The following SCAPER variants were observed in gnomAD, a reference collection of about 807,000 sequenced individuals.
The protein encoded by SCAPER is S-phase cyclin A associated protein in the ER, also known as S phase cyclin A-associated protein in the endoplasmic reticulum.
Under a neutral mutation model 182.2 loss-of-function variants are expected in SCAPER, and 98 were observed. The ratio of observed to expected loss-of-function variants is 0.54; its 90% CI spans 0.46 to 0.64. SCAPER has a LOEUF of 0.64. SCAPER is among the 30% of genes least tolerant of loss of function. The pLI is 0.00. For synonymous variants in SCAPER, 605 were observed against 564.6 expected, an observed-to-expected ratio of 1.07 and a Z score of -1.01; for missense variants, 1,432 against 1,690.0, an observed-to-expected ratio of 0.85 and a Z score of 2.68.
intron 27 of SCAPER, among the ~76,000 whole-genome samples, chr15:76,400,433 C>T (rs562009587): frequency 5.3e-5 from 8 of 152,188 alleles, no homozygotes; most frequent in Non-Finnish European, 8.8e-5. Context: ...CAACAAAATG[C>T]TTGTCACTGT....
At chr15:76,671,207 C>G (rs535626546) in intron 20 of SCAPER, among the ~76,000 whole-genome samples, 49 of 152,186 alleles carry the variant, frequency 3.2e-4, no homozygotes, top group Admixed American at 2.9e-3. Context: ...TGGGCATGCA[C>G]CTGCGGTCCC....
At chr15:76,521,568 G>A (rs940357735) in intron 23 of SCAPER, among the ~76,000 whole-genome samples, 1 of 152,080 alleles carries the variant, frequency 6.6e-6, no homozygotes, top group Non-Finnish European at 1.5e-5. Context: ...TTGTGTCCCT[G>A]ATGTTACAAT....
At chr15:76,720,661 G>T (rs1199182120) in intron 17 of SCAPER, among the ~76,000 whole-genome samples, 2 of 152,164 alleles carry the variant, frequency 1.3e-5, no homozygotes, top group African/African-American at 2.4e-5. Context: ...GTTTTGATTT[G>T]CATTTCTCTG....
Position 76,883,864 on chromosome 15 carries a change from T to TATTGTA in SCAPER, c.-48_-47insTACAAT. 7.1e-7 allele frequency: 1 copy of TATTGTA among 1,413,470 alleles called. No homozygotes were observed. The highest frequency in any genetic ancestry group is 9.7e-7 in the Non-Finnish European group (1 of 1,034,332). 87.6% of individuals were successfully genotyped at this position (1,413,470 alleles called of 1,614,324 possible). On this transcript the variant is annotated 5_prime_UTR_variant, in exon 2 of 32. Transcript: ENST00000563290. ...CAAGATCATTTATCACATAAACCCA[T>TATTGTA]GGAGTATGACTCCTACAATAAAAAA...
intron 21 of SCAPER, among the ~76,000 whole-genome samples, chr15:76,631,268 T>A (rs904829932): frequency 2.6e-5 from 4 of 152,212 alleles, no homozygotes; most frequent in African/African-American, 9.6e-5. Flanking sequence ...GTCTTTTAAT[T>A]TGGGCATTCA....
intron 24 of SCAPER, among the ~76,000 whole-genome samples, chr15:76,474,331 A>C (rs1164283131): frequency 6.6e-6 from 1 of 152,142 alleles, no homozygotes. Context: ...GTCCTTATGG[A>C]GCTGATGCTC....
intron 2 of SCAPER, among the ~76,000 whole-genome samples, chr15:76,878,090 T>C (rs2073295116): frequency 6.6e-6 from 1 of 152,204 alleles, no homozygotes; most frequent in African/African-American, 2.4e-5. Flanking sequence ...GATGTATGTA[T>C]ATTTACAGAC....
chr15:76,714,557 T>C (rs1319869071), intron 17 of SCAPER, among the ~76,000 whole-genome samples: 2 of 151,690 alleles, frequency 1.3e-5, no homozygotes, highest in South Asian at 2.1e-4. Context: ...GTAGTAGTAG[T>C]AGTAGTAGCA....
At position 76,500,673 on chromosome 15, in the gene SCAPER, C is replaced by T. The variant is rs138304729; in HGVS notation, c.2954+4186G>A. 2.0e-4 allele frequency among the ~76,000 whole-genome samples: 30 copies of T among 152,228 alleles called. No individual in the cohort carries two copies. In the East Asian group the frequency reaches 3.5e-3, roughly 18 times the overall value. ...TTATGCTCAAAGAAAGTGAAAACTC[C>T]TATTTATTTTCAAATATTAAAAAGC... On this transcript the variant is annotated intron_variant, in intron 24 of 31. Coordinates refer to ENST00000563290, the MANE Select transcript of SCAPER (RefSeq NM_020843.4).
chr15:76,889,637 C>T lies in SCAPER; in HGVS notation c.-59-5761G>A, dbSNP rs113798008. The stretch of plus-strand genomic sequence containing the variant: ...AAAGAACAACTATCCTAAATATATA[C>T]GCACCCAATACATGGACACCCAGAT... On this transcript the variant is annotated intron_variant, in intron 1 of 31. Coordinates refer to ENST00000563290, the MANE Select transcript of SCAPER (RefSeq NM_020843.4). Among the ~76,000 whole-genome samples, 1,236 of 152,184 alleles carry T rather than the reference C, an allele frequency of 8.1e-3. 12 individuals carry two copies. The highest frequency in any genetic ancestry group is 0.028 in the African/African-American group (1,143 of 41,522).
In SCAPER at chr15:76,855,491, C is replaced by T. The variant is rs759898257; in HGVS notation, c.195+2318G>A. Reference sequence around the variant, plus strand: ...AAAAAAAAAAAAAGTAAACAACTTACAGAATGGGAGAAAATTTTTGCAAAC... The same window carrying T: ...AAAAAAAAAAAAAGTAAACAACTTATAGAATGGGAGAAAATTTTTGCAAAC... On this transcript the variant is annotated intron_variant, in intron 4 of 31. Coordinates refer to ENST00000563290, the MANE Select transcript of SCAPER (RefSeq NM_020843.4). Among the ~76,000 whole-genome samples the T allele has an allele frequency of 3.0e-3, 410 of 136,720 alleles. 1 individual carries two copies. Among genetic ancestry groups the T allele is most frequent in the South Asian group, 8.4e-3 (35 of 4,154 alleles). The allele number at this position is 136,720 out of a possible 152,430, so 89.7% of individuals were successfully genotyped here.
In SCAPER at chr15:76,598,358, G is replaced by A. The variant is rs1418670228; in HGVS notation, c.2711+23406C>T. ...CACTTTTTACACTGTTGGTGACAGT[G>A]TAAATTAGTTCAACCATTGTGGAAG... On this transcript the variant is annotated intron_variant, in intron 22 of 31. Transcript: ENST00000563290. Among the ~76,000 whole-genome samples the A allele has an allele frequency of 1.6e-5, 2 of 121,646 alleles. 1 individual carries two copies. Among genetic ancestry groups the A allele is most frequent in the Non-Finnish European group, 4.0e-5 (2 of 50,044 alleles). The allele number at this position is 121,646 out of a possible 152,430, so 79.8% of individuals were successfully genotyped here.
intron 22 of SCAPER, among the ~76,000 whole-genome samples, chr15:76,593,178 C>T (rs2049252812): frequency 8.2e-6 from 1 of 121,428 alleles, no homozygotes; most frequent in African/African-American, 2.5e-5. Context: ...AGGCAATTTT[C>T]CCCTCACAGG....
intron 21 of SCAPER, among the ~76,000 whole-genome samples, chr15:76,649,613 C>A (rs1270044527): frequency 1.4e-5 from 2 of 144,794 alleles, no homozygotes; most frequent in Non-Finnish European, 1.5e-5. Context: ...ATATATACAG[C>A]AGAAAAGAAA....
chr15:76,461,259 G>C (rs1215515613), intron 25 of SCAPER, among the ~76,000 whole-genome samples: 1 of 151,788 alleles, frequency 6.6e-6, no homozygotes, highest in Non-Finnish European at 1.5e-5. Context: ...CAGTAGTAGT[G>C]ATGTTAGTTT....
chr15:76,661,722 C>T (rs956419713), intron 21 of SCAPER, among the ~76,000 whole-genome samples: 4 of 152,152 alleles, frequency 2.6e-5, no homozygotes, highest in Non-Finnish European at 5.9e-5. Context: ...AATGCTTTTA[C>T]ACTGTTGGTG....
intron 20 of SCAPER, among the ~76,000 whole-genome samples, chr15:76,691,658 CA>C (rs2058367413): frequency 6.6e-6 from 1 of 152,066 alleles, no homozygotes; most frequent in South Asian, 2.1e-4. Context: ...CATTTACAAA[CA>C]AAAGCACAAT....
At chr15:76,512,038 A>G (rs576777835) in intron 23 of SCAPER, among the ~76,000 whole-genome samples, 2 of 151,492 alleles carry the variant, frequency 1.3e-5, no homozygotes, top group African/African-American at 4.8e-5. Context: ...ACCTGACAAC[A>G]TGCCCGGCTA....
chr15:76,734,850 C>A (rs1179961606), intron 15 of SCAPER, among the ~76,000 whole-genome samples: 4 of 152,074 alleles, frequency 2.6e-5, no homozygotes, highest in African/African-American at 9.7e-5. Context: ...GCACTCCAGC[C>A]TGGGCGACAA....
Sources: gnomAD v4.1 joint callset for allele counts (sites outside exome capture counted in the v4.1 genomes callset) on GRCh38, gnomAD v4.1.1 for gene constraint, MANE v1.5 for transcripts, NCBI Gene and HGNC (gene_info 2026-07-23, HGNC 2026-07-21) for gene names.